The following HS6ST3 variants were observed in gnomAD, a reference collection of about 807,000 sequenced individuals.
The protein encoded by HS6ST3 is heparan-sulfate 6-O-sulfotransferase 3.
In HS6ST3, 12 loss-of-function variants were observed where a neutral mutation model predicts 36.7. The observed-to-expected ratio is 0.33, with a 90% CI of 0.21 to 0.53. HS6ST3 has a LOEUF of 0.53. Ranked by LOEUF, HS6ST3 falls within the 20% of genes least tolerant of loss-of-function variation. The pLI is 0.95. For missense variants in HS6ST3, 584 were observed against 640.9 expected, an observed-to-expected ratio of 0.91 and a Z score of 0.96; for synonymous variants, 240 against 257.5, an observed-to-expected ratio of 0.93 and a Z score of 0.65.
intron 1 of HS6ST3, among the ~76,000 whole-genome samples, chr13:96,289,945 A>C (rs902069846): frequency 6.6e-6 from 1 of 152,126 alleles, no homozygotes; most frequent in African/African-American, 2.4e-5. Context: ...AAGATGCAGC[A>C]AGTCACTTGG....
At chr13:96,573,787 A>ACAG in intron 1 of HS6ST3, 1 of 361,476 alleles carries the variant, frequency 2.8e-6, no homozygotes, top group Non-Finnish European at 5.4e-6. Context: ...CAGCATGTAG[A>ACAG]CAGCAGCAGC....
intron 1 of HS6ST3, among the ~76,000 whole-genome samples, chr13:96,179,889 G>A (rs1033426910): frequency 1.3e-5 from 2 of 152,052 alleles, no homozygotes; most frequent in Admixed American, 1.3e-4. Context: ...GAGTGCAGTG[G>A]CAGGATCTTG....
intron 1 of HS6ST3, among the ~76,000 whole-genome samples, chr13:96,240,482 T>C (rs571609423): frequency 1.3e-5 from 2 of 152,206 alleles, no homozygotes; most frequent in Admixed American, 6.5e-5. Flanking sequence ...ATTCATTTGC[T>C]AAGTTAGGGA....
At chr13:96,801,701 A>G (rs1386198625) in intron 1 of HS6ST3, among the ~76,000 whole-genome samples, 1 of 152,090 alleles carries the variant, frequency 6.6e-6, no homozygotes, top group Non-Finnish European at 1.5e-5. Context: ...GTCAGGATCC[A>G]TCTCCACGCC....
intron 1 of HS6ST3, among the ~76,000 whole-genome samples, chr13:96,488,296 T>C (rs1175818620): frequency 6.6e-6 from 1 of 152,070 alleles, no homozygotes; most frequent in Non-Finnish European, 1.5e-5. Flanking sequence ...ATCTGTTCCA[T>C]TGCTGCACTT....
intron 1 of HS6ST3, among the ~76,000 whole-genome samples, chr13:96,236,114 T>C (rs898838851): frequency 1.3e-5 from 2 of 152,154 alleles, no homozygotes; most frequent in African/African-American, 4.8e-5. Flanking sequence ...CATCCAGTAC[T>C]GGAGAAAGAT....
Position 96,334,381 on chromosome 13 carries a change from G to A in HS6ST3, c.707+242812G>A, listed in dbSNP as rs151205470. On this transcript the variant is annotated intron_variant, in intron 1 of 1. Coordinates refer to ENST00000376705, the MANE Select transcript of HS6ST3 (RefSeq NM_153456.4). Reference sequence around the variant, plus strand: ...CTTCCACCATGAGTGAAAGATCCCTGACGTCTCCCCAGAAGCAGATGCCAG... The same window carrying A: ...CTTCCACCATGAGTGAAAGATCCCTAACGTCTCCCCAGAAGCAGATGCCAG... Among the ~76,000 whole-genome samples, 208 of 152,172 alleles carry A rather than the reference G, an allele frequency of 1.4e-3. 2 individuals carry two copies. The highest frequency in any genetic ancestry group is 4.7e-3 in the African/African-American group (196 of 41,514).
chr13:96,732,738 A>G (rs371104868), intron 1 of HS6ST3, among the ~76,000 whole-genome samples: 2 of 152,252 alleles, frequency 1.3e-5, no homozygotes, highest in East Asian at 3.9e-4. Flanking sequence ...CTATAAATTG[A>G]TTTGAGTAGA....
chr13:96,507,703 A>T (rs1031203507), intron 1 of HS6ST3, among the ~76,000 whole-genome samples: 1 of 152,112 alleles, frequency 6.6e-6, no homozygotes, highest in Non-Finnish European at 1.5e-5. Flanking sequence ...GGCTACGCGC[A>T]TCTTAAAAAT....
chr13:96,316,839 T>A (rs578122346), intron 1 of HS6ST3, among the ~76,000 whole-genome samples: 12 of 152,296 alleles, frequency 7.9e-5, no homozygotes, highest in Non-Finnish European at 1.5e-4. Context: ...AAAAAATGGA[T>A]AGACATTCTT....
At chr13:96,124,516 C>G (rs1490667103) in intron 1 of HS6ST3, among the ~76,000 whole-genome samples, 2 of 152,144 alleles carry the variant, frequency 1.3e-5, no homozygotes, top group Non-Finnish European at 2.9e-5. Flanking sequence ...TATTCCCATT[C>G]AGTAATGGAG....
intron 1 of HS6ST3, among the ~76,000 whole-genome samples, chr13:96,543,897 T>C (rs1198720487): frequency 6.6e-6 from 1 of 152,008 alleles, no homozygotes; most frequent in Non-Finnish European, 1.5e-5. Context: ...AAATTTTTTT[T>C]TCTTAATAGG....
chr13:96,321,341 C>T (rs1488848562), intron 1 of HS6ST3, among the ~76,000 whole-genome samples: 1 of 152,150 alleles, frequency 6.6e-6, no homozygotes, highest in Admixed American at 6.5e-5. Context: ...TTCTGGTGAT[C>T]TCATGATCTT....
intron 1 of HS6ST3, among the ~76,000 whole-genome samples, chr13:96,492,594 C>T (rs11619806): frequency 0.045 from 6,878 of 152,262 alleles, 213 homozygotes; most frequent in Middle Eastern, 0.075. Context: ...GTATCTTCAC[C>T]GTTTCTAAGA....
At chr13:96,383,180 G>C (rs939879219) in intron 1 of HS6ST3, among the ~76,000 whole-genome samples, 2 of 151,170 alleles carry the variant, frequency 1.3e-5, no homozygotes, top group African/African-American at 4.9e-5. Flanking sequence ...GGCTGGGCAT[G>C]GTGGCTCACT....
At chr13:96,295,063 G>A (rs536535845) in intron 1 of HS6ST3, among the ~76,000 whole-genome samples, 1 of 152,176 alleles carries the variant, frequency 6.6e-6, no homozygotes, top group African/African-American at 2.4e-5. Flanking sequence ...AATAGTATGT[G>A]GTTAAGACTA....
rs1207027527 is a variant in HS6ST3 at position 96,711,412 on chromosome 13, AAAT to A, written c.708-121072_708-121070del. Among the ~76,000 whole-genome samples, 4 of 152,252 alleles carry A rather than the reference AAAT, an allele frequency of 2.6e-5. No homozygotes were observed. The South Asian group carries it at 6.2e-4, about 24-fold the overall frequency. On this transcript the variant is annotated intron_variant, in intron 1 of 1. Coordinates refer to ENST00000376705, the MANE Select transcript of HS6ST3 (RefSeq NM_153456.4). The stretch of plus-strand genomic sequence containing the variant: ...TTTATAAAGTAATACTGTAGTAATA[AAAT>A]AATAAGAAGGAATAAGTAACATTTT...
rs759363125 is a variant in HS6ST3 at position 96,090,815 on chromosome 13, T to TGCCGCC, written c.-33_-28dup. The TGCCGCC allele has an allele frequency of 6.4e-5, 92 of 1,431,484 alleles. No individual in the cohort carries two copies. In the East Asian group the frequency reaches 1.3e-3, roughly 20 times the overall value. 88.7% of individuals were successfully genotyped at this position (1,431,484 alleles called of 1,614,324 possible). A position where few individuals can be genotyped will look rare whatever the true frequency, so the allele number is the denominator to read the frequency against. On this transcript the variant is annotated 5_prime_UTR_variant, in exon 1 of 2. Coordinates refer to ENST00000376705, the MANE Select transcript of HS6ST3 (RefSeq NM_153456.4). Reference sequence around the variant, plus strand: ...CTTCCGAGCGGGCGCCCGTCCGCCCTGCCGCCGCCGCCGCCGCCGCTTCGC... The same window carrying TGCCGCC: ...CTTCCGAGCGGGCGCCCGTCCGCCCTGCCGCCGCCGCCGCCGCCGCCGCCGCTTCGC...
chr13:96,361,813 A>C (rs897490656), intron 1 of HS6ST3, among the ~76,000 whole-genome samples: 13 of 152,216 alleles, frequency 8.5e-5, no homozygotes, highest in Admixed American at 1.3e-4. Flanking sequence ...GGTTCATTAG[A>C]GATGCCTTCA....
Sources: allele counts gnomAD v4.1 joint callset (sites outside exome capture counted in the v4.1 genomes callset), GRCh38; gene constraint gnomAD v4.1.1; transcripts MANE v1.5; gene names NCBI Gene and HGNC (gene_info 2026-07-23, HGNC 2026-07-21).